The following AP3M2 variants were observed in gnomAD, a reference collection of about 807,000 sequenced individuals.
The protein encoded by AP3M2 is AP-3 complex subunit mu-2.
In AP3M2, 28 loss-of-function variants were observed where a neutral mutation model predicts 41.6. The observed-to-expected ratio is 0.67, with a 90% CI of 0.50 to 0.92. AP3M2 has a LOEUF of 0.92. Ranked by LOEUF, AP3M2 falls within the 40% of genes least tolerant of loss-of-function variation. The pLI is 0.00. For synonymous variants in AP3M2, 193 were observed against 186.4 expected (o/e 1.04, Z -0.29); for missense variants, 427 against 521.4 (o/e 0.82, Z 1.76).
At chr8:42,162,466 C>T (rs760701131) in intron 4 of AP3M2, 48 bp downstream of exon 4, 2 of 1,557,420 alleles carry the variant, frequency 1.3e-6, no homozygotes, top group South Asian at 1.2e-5. Context: ...AGAAAGGGAC[C>T]TCTTTCATAT....
intron 3 of AP3M2, among the ~76,000 whole-genome samples, chr8:42,159,588 ATC>A (rs1804449552): frequency 6.6e-6 from 1 of 151,850 alleles, no homozygotes; most frequent in Non-Finnish European, 1.5e-5. Context: ...TGGATTTAAA[ATC>A]TCTTTTATGG....
At chr8:42,168,299 C>T (rs987779080) in intron 8 of AP3M2, 9 of 445,292 alleles carry the variant, frequency 2.0e-5, no homozygotes, top group African/African-American at 1.6e-4. Context: ...TCATCAGTTA[C>T]CACTTTGGGG....
At position 42,154,890 on chromosome 8, in the gene AP3M2, C is replaced by T. The variant is rs768703050; in HGVS notation, c.203C>T (p.Ala68Val). Residue 68 changes from alanine (A) to valine (V), a missense_variant, in exon 2 of 9, where the codon GCC becomes GTC. Around this residue, in one of 3 missense-constraint regions of AP3M2, gnomAD observed 104 missense variants for 93.8 expected, o/e 1.11. Coordinates refer to ENST00000396926, the MANE Select transcript of AP3M2 (RefSeq NM_006803.4). Reference protein sequence around the residue: ...SVYRHKIFFVAVIQTEVPPLF... With the variant: ...SVYRHKIFFVVVIQTEVPPLF... ...TACCGCCACAAGATCTTTTTTGTGGCCGTGATCCAGACGGAGGTCCCCCCT... is the reference window on the plus strand; with the variant it reads ...TACCGCCACAAGATCTTTTTTGTGGTCGTGATCCAGACGGAGGTCCCCCCT... The T allele has an allele frequency of 1.2e-6, 2 of 1,614,054 alleles. No homozygotes were observed. The highest frequency in any genetic ancestry group is 2.2e-5 in the South Asian group (2 of 91,074).
chr8:42,159,559 A>G (rs1291332169), intron 3 of AP3M2, among the ~76,000 whole-genome samples: 2 of 151,878 alleles, frequency 1.3e-5, no homozygotes, highest in African/African-American at 4.8e-5. Context: ...TGTTGTTGAA[A>G]TGTATTTCTT....
intron 2 of AP3M2, chr8:42,156,119 T>G (rs899591111): frequency 2.3e-6 from 1 of 436,646 alleles, no homozygotes; most frequent in Middle Eastern, 3.4e-4. Flanking sequence ...CTGGGCCTTG[T>G]TATGATTTCC....
chr8:42,154,070 A>T (rs1331295764), intron 1 of AP3M2: 1 of 152,126 alleles, frequency 6.6e-6, no homozygotes, highest in African/African-American at 2.4e-5. Flanking sequence ...TATTGGTAAG[A>T]TATTTGAAAT....
intron 8 of AP3M2, chr8:42,168,112 G>C (rs1587919076): frequency 3.7e-6 from 2 of 535,366 alleles, no homozygotes; most frequent in South Asian, 3.1e-5. Context: ...TTCATTTCAG[G>C]TTCCCAAGGT....
At chr8:42,159,372 G>A (rs1443826634) in intron 3 of AP3M2, among the ~76,000 whole-genome samples, 2 of 152,206 alleles carry the variant, frequency 1.3e-5, no homozygotes, top group Admixed American at 6.5e-5. Flanking sequence ...AAGCACTGTA[G>A]TGAACCCTGT....
chr8:42,166,334 A>G (rs559827846), intron 6 of AP3M2, among the ~76,000 whole-genome samples: 2 of 152,204 alleles, frequency 1.3e-5, no homozygotes, highest in South Asian at 4.1e-4. Flanking sequence ...ATGGATAGAA[A>G]CCATTTAGCA....
At chr8:42,168,929 A>G (rs1322621012) in intron 8 of AP3M2, 32 bp from the exon 9 acceptor site, 2 of 1,511,938 alleles carry the variant, frequency 1.3e-6, no homozygotes, top group South Asian at 2.4e-5. Context: ...AATAATACTC[A>G]TGTCTATTTT....
intron 2 of AP3M2, among the ~76,000 whole-genome samples, chr8:42,157,368 A>C (rs1804381380): frequency 6.6e-6 from 1 of 152,224 alleles, no homozygotes; most frequent in Non-Finnish European, 1.5e-5. Context: ...GTGCTTTCCC[A>C]CAATGCAGAT....
At chr8:42,168,592 T>C (rs1036283687) in intron 8 of AP3M2, among the ~76,000 whole-genome samples, 4 of 152,248 alleles carry the variant, frequency 2.6e-5, no homozygotes, top group African/African-American at 9.6e-5. Context: ...ATTACTTTCA[T>C]TGTTAATTCC....
At position 42,162,943 on chromosome 8, in the gene AP3M2, CAAAAA is replaced by C. The variant is rs67923954; in HGVS notation, c.583+549_583+553del. Among the ~76,000 whole-genome samples, 100 of 54,204 alleles carry C rather than the reference CAAAAA, an allele frequency of 1.8e-3. 1 individual carries two copies. Among genetic ancestry groups the C allele is most frequent in the Middle Eastern group, 0.011 (1 of 92 alleles). 35.6% of individuals were successfully genotyped at this position (54,204 alleles called of 152,430 possible). The stretch of plus-strand genomic sequence containing the variant: ...CCTGGGCAACAGCAAGACCCTGTCT[CAAAAA>C]AAAAAAAAAAAAAAAAAAAAAAAGT... On this transcript the variant is annotated intron_variant, in intron 4 of 8. Transcript: ENST00000396926.
At chr8:42,156,416 G>A (rs762984172) in intron 2 of AP3M2, among the ~76,000 whole-genome samples, 12 of 152,176 alleles carry the variant, frequency 7.9e-5, no homozygotes, top group Non-Finnish European at 1.6e-4. Context: ...GATTTTTCCA[G>A]GACCAGAATG....
rs748319478 is a variant in AP3M2 at position 42,154,637 on chromosome 8, T to C, written c.-51T>C. 1 of 1,598,652 alleles carries C rather than the reference T, an allele frequency of 6.3e-7. No individual in the cohort carries two copies. The highest frequency in any genetic ancestry group is 2.2e-5 in the East Asian group (1 of 44,768). On this transcript the variant is annotated 5_prime_UTR_variant, in exon 2 of 9. Coordinates refer to ENST00000396926, the MANE Select transcript of AP3M2 (RefSeq NM_006803.4). ...TTAGAGTTGAAAACTTACAGAGTCC[T>C]GAGGCTTTCAGACTGAAAAAGGCTT...
intron 6 of AP3M2, among the ~76,000 whole-genome samples, chr8:42,166,221 T>C (rs1804633717): frequency 6.6e-6 from 1 of 152,170 alleles, no homozygotes. Context: ...CAGTTAAGTA[T>C]AAGGACATCA....
chr8:42,158,897 G>T (rs1055000677), intron 3 of AP3M2, among the ~76,000 whole-genome samples: 3 of 151,708 alleles, frequency 2.0e-5, no homozygotes, highest in Non-Finnish European at 4.4e-5. Context: ...AGGCTCAAGC[G>T]ATTCTCCTAC....
chr8:42,159,916 TAA>T (rs1804464821), intron 3 of AP3M2, among the ~76,000 whole-genome samples: 1 of 152,230 alleles, frequency 6.6e-6, no homozygotes, highest in Non-Finnish European at 1.5e-5. Flanking sequence ...CACGACACGT[TAA>T]GTTTGTATAG....
chr8:42,163,152 T>A (rs1377191659), intron 4 of AP3M2, among the ~76,000 whole-genome samples: 1 of 151,958 alleles, frequency 6.6e-6, no homozygotes, highest in Non-Finnish European at 1.5e-5. Flanking sequence ...CCAGTCATGA[T>A]GGTATGAGCC....
Sources: allele counts gnomAD v4.1 joint callset (sites outside exome capture counted in the v4.1 genomes callset), GRCh38; gene constraint gnomAD v4.1.1; regional missense constraint gnomAD v4.1.1; transcripts MANE v1.5; gene names NCBI Gene and HGNC (gene_info 2026-07-23, HGNC 2026-07-21).